Variants in ANO10 observed in about 807,000 individuals in gnomAD.
The protein encoded by ANO10 is anoctamin 10, also known as anoctamin-10.
ANO10 carries 77 observed loss-of-function variants against 74.7 expected under a neutral mutation model. The ratio of observed to expected loss-of-function variants is 1.03; its 90% confidence interval spans 0.86 to 1.25. The LOEUF (loss-of-function observed/expected upper bound fraction) is 1.25, where lower values mean the gene tolerates loss of function less well. Ranked by LOEUF, ANO10 falls within the 50% of genes most tolerant of loss-of-function variation. The pLI, the probability that ANO10 is intolerant of heterozygous loss-of-function variation, is 0.00. For missense variants in ANO10, 721 were observed against 778.1 expected, an observed-to-expected ratio of 0.93 and a Z score of 0.87; for synonymous variants, 279 against 284.9, an observed-to-expected ratio of 0.98 and a Z score of 0.21.
chr3:43,593,156 A>G lies in ANO10; in HGVS notation c.472+5376T>C, dbSNP rs2081887290. 5.3e-5 allele frequency among the ~76,000 whole-genome samples: 8 copies of G among 152,236 alleles called. No individual in the cohort carries two copies. The South Asian group carries it at 1.7e-3, about 32-fold the overall frequency. ...TGATTGCTGTACCTGAAAGTGACGG[A>G]GAGAATGGAAACAAGTTGGAAACAC... is the stretch of plus-strand genomic sequence containing the variant. On this transcript the variant is annotated intron_variant, in intron 4 of 12. Transcript: ENST00000292246.
chr3:43,549,763 G>T lies in ANO10; in HGVS notation c.1754C>A (p.Pro585Gln). ...CAAAATGAGGTCTGCTTTTGATTCT[G>T]GAAAGACTGCATTCACTTGTGGTGA... ...GMSPQVNAVF[P>Q]ESKADLILIV... The change falls in exon 11 of 13, where the codon CCA (proline) becomes CAA (glutamine). Residue 585 changes from proline (P) to glutamine (Q), a missense_variant. Coordinates refer to ENST00000292246, the MANE Select transcript of ANO10 (RefSeq NM_018075.5). 1 of 1,613,936 alleles carries T rather than the reference G, an allele frequency of 6.2e-7. No homozygotes were observed. Among genetic ancestry groups the T allele is most frequent in the East Asian group, 2.2e-5 (1 of 44,866 alleles).
intron 11 of ANO10, among the ~76,000 whole-genome samples, chr3:43,458,083 C>G (rs2075216384): frequency 6.6e-6 from 1 of 152,124 alleles, no homozygotes; most frequent in Non-Finnish European, 1.5e-5. Flanking sequence ...GAAAAGGAGT[C>G]AGAACTCTCA....
At position 43,540,189 on chromosome 3, in the gene ANO10, C is replaced by T. The variant is rs959474627; in HGVS notation, c.1797+9531G>A. Among the ~76,000 whole-genome samples, 3 of 152,270 alleles carry T rather than the reference C, an allele frequency of 2.0e-5. 1 individual carries two copies. The highest frequency in any genetic ancestry group is 7.2e-5 in the African/African-American group (3 of 41,546). Reference sequence around the variant, plus strand: ...CTAAAATGCAGAATCATACAAAATGCATATATTCATTTTGTTTTAGCAAAC... The same window carrying T: ...CTAAAATGCAGAATCATACAAAATGTATATATTCATTTTGTTTTAGCAAAC... On this transcript the variant is annotated intron_variant, in intron 11 of 12. Coordinates refer to ENST00000292246, the MANE Select transcript of ANO10 (RefSeq NM_018075.5).
intron 1 of ANO10, among the ~76,000 whole-genome samples, chr3:43,634,466 C>T (rs2083585410): frequency 6.6e-6 from 1 of 152,098 alleles, no homozygotes; most frequent in Admixed American, 6.5e-5. Flanking sequence ...ATATATACTA[C>T]TTATATATAA....
chr3:43,423,308 T>C (rs1265133557), intron 12 of ANO10, among the ~76,000 whole-genome samples: 2 of 152,180 alleles, frequency 1.3e-5, no homozygotes, highest in African/African-American at 2.4e-5. Flanking sequence ...TTTGTCCTTA[T>C]TTATTTAATA....
chr3:43,416,422 C>T (rs918549494), intron 12 of ANO10, among the ~76,000 whole-genome samples: 1 of 151,868 alleles, frequency 6.6e-6, no homozygotes. Flanking sequence ...AAAAGAATAG[C>T]CATCAAAAAT....
intron 1 of ANO10, among the ~76,000 whole-genome samples, chr3:43,688,945 G>C (rs1373070350): frequency 6.6e-6 from 1 of 152,122 alleles, no homozygotes; most frequent in Non-Finnish European, 1.5e-5. Flanking sequence ...TATCAGCTTG[G>C]CTTCTGGAAA....
chr3:43,402,082 G>A (rs955951880), intron 12 of ANO10, among the ~76,000 whole-genome samples: 7 of 152,198 alleles, frequency 4.6e-5, no homozygotes, highest in African/African-American at 1.7e-4. Context: ...AAACCTCGGT[G>A]ACAACAGCTG....
chr3:43,416,115 C>T (rs751626891), intron 12 of ANO10, among the ~76,000 whole-genome samples: 4 of 152,078 alleles, frequency 2.6e-5, no homozygotes, highest in Non-Finnish European at 5.9e-5. Flanking sequence ...CTGTATCTTC[C>T]AGACATTTGG....
chr3:43,591,600 A>G (rs977553286), intron 4 of ANO10, among the ~76,000 whole-genome samples: 3 of 152,156 alleles, frequency 2.0e-5, no homozygotes, highest in Non-Finnish European at 4.4e-5. Context: ...GTATTACACT[A>G]TTAAAAGTAA....
At chr3:43,372,962 G>A (rs901307005) in intron 12 of ANO10, 62 of 1,023,442 alleles carry the variant, frequency 6.1e-5, no homozygotes, top group Non-Finnish European at 8.6e-5. Context: ...CTTTTCTCAT[G>A]TAACACATAT....
chr3:43,563,418 GTTTTT>G (rs35992992), intron 8 of ANO10, among the ~76,000 whole-genome samples: 2 of 112,234 alleles, frequency 1.8e-5, no homozygotes, highest in Non-Finnish European at 3.7e-5. Context: ...ATGGCGAGAG[GTTTTT>G]TTTTTTTTTT....
chr3:43,413,493 G>C (rs973954680), intron 12 of ANO10, among the ~76,000 whole-genome samples: 1 of 151,800 alleles, frequency 6.6e-6, no homozygotes, highest in Admixed American at 6.6e-5. Flanking sequence ...AGTCCTGCTT[G>C]TGCCATATAA....
Position 43,577,110 on chromosome 3 carries a change from C to T in ANO10, c.744G>A (p.Ser248=), listed in dbSNP as rs373217121. The T allele has an allele frequency of 2.4e-5, 39 of 1,614,008 alleles. No individual in the cohort carries two copies. The highest frequency in any genetic ancestry group is 1.9e-4 in the African/African-American group (14 of 74,894). ...TCACCGTGGACCAGATGAGGTTGAA[C>T]GAGGCAAAGATCACGTACTTGTCAT... ...EDYDKYVIFA[S]FNLIWSTVIL... The change falls in exon 6 of 13, where the codon TCG becomes TCA. Residue 248 remains serine (S), a synonymous_variant. Transcript: ENST00000292246.
chr3:43,561,227 G>C lies in ANO10; in HGVS notation c.1469C>G (p.Thr490Ser), dbSNP rs749990382. Reference protein sequence around the residue: ...EQVILEKEMGTYLGTFDDYLE... With the variant: ...EQVILEKEMGSYLGTFDDYLE... Reference sequence around the variant, plus strand: ...AGCAATATTCCAACTTACCAAATAAGTTCCCATTTCTTTTTCCAGGATGAC... The same window carrying C: ...AGCAATATTCCAACTTACCAAATAACTTCCCATTTCTTTTTCCAGGATGAC... Residue 490 changes from threonine to serine, a missense_variant, in exon 9 of 13, where the codon ACT becomes AGT. By Grantham distance (58) the Thr-to-Ser change is moderately conservative. Transcript: ENST00000292246. 1 of 1,614,088 alleles carries C rather than the reference G, an allele frequency of 6.2e-7. No homozygotes were observed. The highest frequency in any genetic ancestry group is 8.5e-7 in the Non-Finnish European group (1 of 1,179,998).
intron 12 of ANO10, among the ~76,000 whole-genome samples, chr3:43,411,207 A>G (rs1444431502): frequency 1.3e-5 from 2 of 152,226 alleles, no homozygotes; most frequent in East Asian, 3.8e-4. Flanking sequence ...CAAATACAGT[A>G]TGATTAAAGA....
chr3:43,367,456 G>A (rs1280471452), intron 12 of ANO10, among the ~76,000 whole-genome samples: 1 of 152,188 alleles, frequency 6.6e-6, no homozygotes, highest in Non-Finnish European at 1.5e-5. Context: ...CCCTGGCACA[G>A]AACAGATGCC....
intron 11 of ANO10, among the ~76,000 whole-genome samples, chr3:43,440,779 C>T (rs1044614129): frequency 6.6e-6 from 1 of 152,024 alleles, no homozygotes; most frequent in Non-Finnish European, 1.5e-5. Flanking sequence ...AAAAGATTCT[C>T]CAGTACAGAT....
chr3:43,579,055 A>T (rs1431723151), intron 5 of ANO10, among the ~76,000 whole-genome samples: 2 of 152,130 alleles, frequency 1.3e-5, no homozygotes, highest in African/African-American at 4.8e-5. Flanking sequence ...TTATTTTAGG[A>T]TACCATTAAA....
Sources: allele counts gnomAD v4.1 joint callset (sites outside exome capture counted in the v4.1 genomes callset), GRCh38; gene constraint gnomAD v4.1.1; transcripts MANE v1.5; gene names NCBI Gene and HGNC (gene_info 2026-07-23, HGNC 2026-07-21).